The following DSCAM variants were observed in gnomAD, a reference collection of about 807,000 sequenced individuals.
DSCAM encodes cell adhesion molecule DSCAM.
In DSCAM, 47 loss-of-function variants were observed where a neutral mutation model predicts 217.7. That is an observed-to-expected ratio of 0.22 (90% confidence interval 0.17 to 0.28). The LOEUF (loss-of-function observed/expected upper bound fraction) is 0.28, where lower values mean the gene tolerates loss of function less well. Ranked by LOEUF, DSCAM falls within the 10% of genes least tolerant of loss-of-function variation. The pLI, the probability that DSCAM is intolerant of heterozygous loss-of-function variation, is 1.00. For synonymous variants in DSCAM, 1,056 were observed against 1,015.3 expected (o/e 1.04, Z -0.76); for missense variants, 2,080 against 2,618.3 (o/e 0.79, Z 4.49).
chr21:40,846,550 AC>A (rs1601341046), intron 1 of DSCAM, 68 bp downstream of exon 1: 1 of 163,410 alleles, frequency 6.1e-6, no homozygotes. Context: ...ATCCAATGCC[AC>A]CCCCCACCCC....
chr21:40,216,237 A>G (rs1380006618), intron 11 of DSCAM, among the ~76,000 whole-genome samples: 3 of 151,738 alleles, frequency 2.0e-5, no homozygotes, highest in African/African-American at 4.9e-5. Flanking sequence ...CCAAGTAGCT[A>G]AGACTACAGT....
chr21:40,453,233 C>T (rs1300298218), intron 3 of DSCAM, among the ~76,000 whole-genome samples: 3 of 152,054 alleles, frequency 2.0e-5, no homozygotes, highest in Non-Finnish European at 4.4e-5. Context: ...ATGTGATAAG[C>T]GTACTCCCTT....
chr21:40,662,175 C>T (rs988360881), intron 3 of DSCAM, among the ~76,000 whole-genome samples: 3 of 152,052 alleles, frequency 2.0e-5, no homozygotes, highest in African/African-American at 7.2e-5. Flanking sequence ...GACAGAAGCA[C>T]TAGAATTTAT....
rs200566329 is a variant in DSCAM at position 40,084,015 on chromosome 21, G to A, written c.4133-9C>T. 3.1e-6 allele frequency: 5 copies of A among 1,603,582 alleles called. No individual in the cohort carries two copies. Among genetic ancestry groups the A allele is most frequent in the African/African-American group, 2.7e-5 (2 of 74,376 alleles). On this transcript the variant is annotated splice_polypyrimidine_tract_variant and intron_variant, in intron 23 of 32. Coordinates refer to ENST00000400454, the MANE Select transcript of DSCAM (RefSeq NM_001389.5). ...AGGCTGATCTGGTGGAACTGGAGAGGAAACAGTTTTTAGAAAACAAGAATT... is the reference window on the plus strand; with the variant it reads ...AGGCTGATCTGGTGGAACTGGAGAGAAAACAGTTTTTAGAAAACAAGAATT...
At chr21:40,507,814 A>C (rs1263608451) in intron 3 of DSCAM, among the ~76,000 whole-genome samples, 1 of 152,158 alleles carries the variant, frequency 6.6e-6, no homozygotes. Flanking sequence ...AAATAAAAAT[A>C]ACTTACATTC....
At chr21:40,454,673 A>G (rs2075748843) in intron 3 of DSCAM, among the ~76,000 whole-genome samples, 1 of 152,224 alleles carries the variant, frequency 6.6e-6, no homozygotes, top group South Asian at 2.1e-4. Context: ...AGGGAAATCA[A>G]ATGAAAATGT....
In DSCAM at chr21:40,042,608, C is replaced by T; in HGVS notation, c.5449G>A (p.Ala1817Thr). ...TCTTCCATCTTGGCGTGTTCGTAGG[C>T]CCTGGCCAGTTCTTCGTAAGTGGAG... Reference protein sequence around the residue: ...ASSTYEELARAYEHAKMEEQL... With the variant: ...ASSTYEELARTYEHAKMEEQL... The change falls in exon 32 of 33, where the codon GCC becomes ACC. Residue 1817 changes from alanine to threonine, a missense_variant. Coordinates refer to ENST00000400454, the MANE Select transcript of DSCAM (RefSeq NM_001389.5). 2.5e-6 allele frequency: 4 copies of T among 1,614,046 alleles called. No individual in the cohort carries two copies. The highest frequency in any genetic ancestry group is 2.5e-6 in the Non-Finnish European group (3 of 1,180,022).
chr21:40,649,858 T>C (rs144572658), intron 3 of DSCAM, among the ~76,000 whole-genome samples: 230 of 152,306 alleles, frequency 1.5e-3, no homozygotes, highest in Non-Finnish European at 2.6e-3. Context: ...ACCTATTCTG[T>C]CAGCAGTGCC....
intron 1 of DSCAM, among the ~76,000 whole-genome samples, chr21:40,786,389 T>C (rs115908695): frequency 2.6e-5 from 4 of 151,802 alleles, no homozygotes; most frequent in Admixed American, 2.0e-4. Flanking sequence ...GCAGGTACCA[T>C]AGTCACGGGC....
intron 27 of DSCAM, among the ~76,000 whole-genome samples, chr21:40,067,758 C>G (rs979206188): frequency 5.6e-5 from 5 of 88,584 alleles, no homozygotes; most frequent in African/African-American, 8.2e-5. Context: ...CCCTCCCTCC[C>G]TCCCTCCCTC....
Position 40,107,389 on chromosome 21 carries a change from T to C in DSCAM, c.3697-13515A>G, listed in dbSNP as rs917120782. Among the ~76,000 whole-genome samples the C allele has an allele frequency of 1.5e-4, 23 of 152,152 alleles. 1 individual carries two copies. The highest frequency in any genetic ancestry group is 5.6e-4 in the African/African-American group (23 of 41,436). ...TTGCTGAGGAGTGTTTTACTTCTGATTAATATGATCAATTTTACAGTAAGT... is the reference window on the plus strand; with the variant it reads ...TTGCTGAGGAGTGTTTTACTTCTGACTAATATGATCAATTTTACAGTAAGT... On this transcript the variant is annotated intron_variant, in intron 20 of 32. Transcript: ENST00000400454.
chr21:40,200,527 A>G (rs1160357770), intron 11 of DSCAM, among the ~76,000 whole-genome samples: 1 of 152,214 alleles, frequency 6.6e-6, no homozygotes, highest in Non-Finnish European at 1.5e-5. Context: ...ATGTGTACAC[A>G]GCATTTTTTT....
rs574413022 is a variant in DSCAM, at chr21:40,523,165, C to T, written c.509-153920G>A. Among the ~76,000 whole-genome samples the T allele has an allele frequency of 6.6e-5, 10 of 152,080 alleles. No homozygotes were observed. In the East Asian group the frequency reaches 7.7e-4, roughly 12 times the overall value. ...TAATGAAGGAATAGTGATACAGAAG[C>T]GGGCAGGGAAGTGTTGGGTAGAGGA... On this transcript the variant is annotated intron_variant, in intron 3 of 32. Coordinates refer to ENST00000400454, the MANE Select transcript of DSCAM (RefSeq NM_001389.5).
At chr21:40,535,518 C>T (rs1006031635) in intron 3 of DSCAM, among the ~76,000 whole-genome samples, 1 of 152,194 alleles carries the variant, frequency 6.6e-6, no homozygotes, top group African/African-American at 2.4e-5. Flanking sequence ...AAATTATCAG[C>T]ATCATTCCTA....
At chr21:40,428,699 T>A (rs374097072) in intron 3 of DSCAM, among the ~76,000 whole-genome samples, 5 of 152,270 alleles carry the variant, frequency 3.3e-5, no homozygotes, top group East Asian at 1.9e-4. Flanking sequence ...TAATTCCCTC[T>A]AGAGCAAATA....
Position 40,376,517 on chromosome 21 carries a change from T to G in DSCAM, c.509-7272A>C, listed in dbSNP as rs188457529. ...TATCTATATATCTTATATCGATATCTATATATCTTATATAGATATCGATAT... is the reference window on the plus strand; with the variant it reads ...TATCTATATATCTTATATCGATATCGATATATCTTATATAGATATCGATAT... On this transcript the variant is annotated intron_variant, in intron 3 of 32. Transcript: ENST00000400454. 5.9e-3 allele frequency among the ~76,000 whole-genome samples: 498 copies of G among 84,400 alleles called. 33 individuals carry two copies. Among genetic ancestry groups the G allele is most frequent in the African/African-American group, 0.015 (289 of 19,116 alleles). The allele number at this position is 84,400 out of a possible 152,430, so 55.4% of individuals were successfully genotyped here.
intron 3 of DSCAM, among the ~76,000 whole-genome samples, chr21:40,619,033 C>G (rs563455558): frequency 6.6e-6 from 1 of 151,530 alleles, no homozygotes; most frequent in South Asian, 2.1e-4. Context: ...CCACTTAAAC[C>G]CACCGGGTAA....
At chr21:40,387,170 A>T (rs1190643411) in intron 3 of DSCAM, among the ~76,000 whole-genome samples, 1 of 152,200 alleles carries the variant, frequency 6.6e-6, no homozygotes, top group Non-Finnish European at 1.5e-5. Context: ...GGCTCTATAA[A>T]GGAAGAGGGG....
chr21:40,247,483 C>T (rs1052870445), intron 11 of DSCAM, among the ~76,000 whole-genome samples: 1 of 152,166 alleles, frequency 6.6e-6, no homozygotes, highest in Non-Finnish European at 1.5e-5. Context: ...AACAAAGGGG[C>T]TACAGGCCCC....
Sources: gnomAD v4.1 joint callset for allele counts (sites outside exome capture counted in the v4.1 genomes callset) on GRCh38, gnomAD v4.1.1 for gene constraint, MANE v1.5 for transcripts, NCBI Gene and HGNC (gene_info 2026-07-23, HGNC 2026-07-21) for gene names.